The following PTDSS1 variants were observed in gnomAD, a reference collection of about 807,000 sequenced individuals.
The protein encoded by PTDSS1 is phosphatidylserine synthase 1, also known as PSS-1.
Under a neutral mutation model 70.5 loss-of-function variants are expected in PTDSS1, and 45 were observed. The ratio of observed to expected loss-of-function variants is 0.64; its 90% CI spans 0.50 to 0.82. PTDSS1 has a LOEUF of 0.82. PTDSS1 is among the 40% of genes least tolerant of loss of function. PTDSS1 has a pLI of 0.00. For missense variants in PTDSS1, 417 were observed against 586.1 expected, an observed-to-expected ratio of 0.71 and a Z score of 2.98; for synonymous variants, 188 against 203.8, an observed-to-expected ratio of 0.92 and a Z score of 0.66.
At chr8:96,268,679 C>T (rs1810520615) in intron 1 of PTDSS1, among the ~76,000 whole-genome samples, 2 of 149,778 alleles carry the variant, frequency 1.3e-5, no homozygotes, top group African/African-American at 2.5e-5. Context: ...CTGATACTTC[C>T]TGCTGTTAAG....
intron 12 of PTDSS1, 147 bp downstream of exon 12, chr8:96,331,242 C>G: frequency 1.3e-6 from 1 of 768,382 alleles, no homozygotes; most frequent in Non-Finnish European, 2.1e-6. Context: ...AAGAAACATG[C>G]AATGGCTGGG....
intron 4 of PTDSS1, among the ~76,000 whole-genome samples, chr8:96,293,014 G>T (rs1408806707): frequency 6.6e-6 from 1 of 152,176 alleles, no homozygotes; most frequent in Non-Finnish European, 1.5e-5. Flanking sequence ...GGCGTGTGTA[G>T]TAGTGGAGAT....
At chr8:96,284,044 C>T in intron 2 of PTDSS1, 65 bp from the exon 3 acceptor site, 1 of 1,310,948 alleles carries the variant, frequency 7.6e-7, no homozygotes, top group African/African-American at 1.5e-5. Flanking sequence ...AGATCAGCAG[C>T]ACCTTAAGTT....
In PTDSS1 at chr8:96,299,731, G is replaced by A; in HGVS notation, c.638G>A (p.Cys213Tyr). The A allele has an allele frequency of 1.2e-6, 2 of 1,613,998 alleles. No homozygotes were observed. The highest frequency in any genetic ancestry group is 1.7e-6 in the Non-Finnish European group (2 of 1,179,988). ...FMHLLPNFAE[C>Y]WWDQVILDIL... ...CATCTCCTCCCCAATTTTGCCGAGT[G>A]CTGGTGGGATCAAGTCATTCTGGAC... The change falls in exon 6 of 13, where the codon TGC becomes TAC. Residue 213 changes from cysteine (C) to tyrosine (Y), a missense_variant. Transcript: ENST00000517309.
intron 9 of PTDSS1, among the ~76,000 whole-genome samples, chr8:96,314,168 C>T (rs1811251772): frequency 6.6e-6 from 1 of 152,078 alleles, no homozygotes. Flanking sequence ...CATCAGCCTC[C>T]TAAGTAGCTG....
chr8:96,309,278 G>T, intron 8 of PTDSS1: 1 of 188,774 alleles, frequency 5.3e-6, no homozygotes, highest in Non-Finnish European at 1.0e-5. Context: ...ATCTGTAAAT[G>T]GTTGCGATCA....
intron 3 of PTDSS1, among the ~76,000 whole-genome samples, chr8:96,285,346 G>A (rs1563567395): frequency 6.6e-6 from 1 of 152,178 alleles, no homozygotes; most frequent in Non-Finnish European, 1.5e-5. Context: ...TGGGAGAAGA[G>A]TAGGAGAGAA....
intron 1 of PTDSS1, among the ~76,000 whole-genome samples, chr8:96,265,392 A>T (rs1309620607): frequency 1.3e-5 from 2 of 152,218 alleles, no homozygotes; most frequent in Non-Finnish European, 2.9e-5. Context: ...AGTCTGAGAC[A>T]AGTTTGGATT....
chr8:96,291,328 A>C (rs1810899817), intron 4 of PTDSS1, among the ~76,000 whole-genome samples: 1 of 152,190 alleles, frequency 6.6e-6, no homozygotes, highest in Non-Finnish European at 1.5e-5. Flanking sequence ...CTATAACTTC[A>C]TGTACCCATC....
In PTDSS1 at chr8:96,261,905, T is replaced by A. The variant is rs1050832132; in HGVS notation, c.-136T>A. On this transcript the variant is annotated 5_prime_UTR_variant, in exon 1 of 13. Coordinates refer to ENST00000517309, the MANE Select transcript of PTDSS1 (RefSeq NM_014754.3). Reference sequence around the variant, plus strand: ...CCGCCCTCTCGCGCCTGTCCTTCCCTCTGCTCCCAGCCTTTGCTGGGCGCC... The same window carrying A: ...CCGCCCTCTCGCGCCTGTCCTTCCCACTGCTCCCAGCCTTTGCTGGGCGCC... 6.2e-5 allele frequency: 59 copies of A among 954,706 alleles called. No individual in the cohort carries two copies. Among genetic ancestry groups the A allele is most frequent in the Non-Finnish European group, 7.8e-5 (52 of 663,588 alleles). 59.1% of individuals were successfully genotyped at this position (954,706 alleles called of 1,614,324 possible).
chr8:96,266,193 AC>A (rs1810485386), intron 1 of PTDSS1, among the ~76,000 whole-genome samples: 1 of 152,114 alleles, frequency 6.6e-6, no homozygotes. Context: ...CTTAAGAGGC[AC>A]CTGCCATTAA....
intron 2 of PTDSS1, among the ~76,000 whole-genome samples, chr8:96,275,509 T>G (rs1303155322): frequency 6.6e-6 from 1 of 152,150 alleles, no homozygotes; most frequent in African/African-American, 2.4e-5. Context: ...TTCCCTTCCC[T>G]CTCATTGAAT....
intron 2 of PTDSS1, 91 bp from the exon 3 acceptor site, chr8:96,284,018 C>A: frequency 1.9e-6 from 2 of 1,026,998 alleles, no homozygotes; most frequent in Non-Finnish European, 1.4e-6. Flanking sequence ...GCTTTTTCTT[C>A]TTGTTATCTG....
At position 96,334,966 on chromosome 8, in the gene PTDSS1, T is replaced by C. The variant is rs1586215791; in HGVS notation, c.*1400T>C. 1 of 152,236 alleles carries C rather than the reference T, an allele frequency of 6.6e-6. No individual in the cohort carries two copies. Among genetic ancestry groups the C allele is most frequent in the African/African-American group, 2.4e-5 (1 of 41,464 alleles). The allele number at this position is 152,236 out of a possible 1,614,324, so 9.4% of individuals were successfully genotyped here. ...TTAGCCATAGAAGTGTCACTTTTTT[T>C]TTTTCTGCAAAAGAATTCCAAGATG... On this transcript the variant is annotated 3_prime_UTR_variant, in exon 13 of 13. Transcript: ENST00000517309.
intron 12 of PTDSS1, among the ~76,000 whole-genome samples, chr8:96,332,539 C>T (rs1020803616): frequency 3.3e-5 from 5 of 152,168 alleles, no homozygotes; most frequent in African/African-American, 7.2e-5. Context: ...GTGAGCGGCC[C>T]GTTGTGAAAT....
intron 1 of PTDSS1, among the ~76,000 whole-genome samples, chr8:96,264,738 C>T (rs911822557): frequency 1.4e-4 from 21 of 152,150 alleles, no homozygotes; most frequent in East Asian, 1.9e-4. Context: ...TTTCCTTTTA[C>T]ATCATATTCT....
intron 10 of PTDSS1, among the ~76,000 whole-genome samples, chr8:96,322,738 C>G (rs1448598287): frequency 6.6e-6 from 1 of 152,132 alleles, no homozygotes; most frequent in Admixed American, 6.5e-5. Context: ...TTCACTTGGC[C>G]CAGCATCAAC....
At position 96,333,572 on chromosome 8, in the gene PTDSS1, C is replaced by A; in HGVS notation, c.*6C>A. 3 of 1,595,070 alleles carry A rather than the reference C, an allele frequency of 1.9e-6. No individual in the cohort carries two copies. The highest frequency in any genetic ancestry group is 2.6e-6 in the Non-Finnish European group (3 of 1,162,726). On this transcript the variant is annotated 3_prime_UTR_variant, in exon 13 of 13. Coordinates refer to ENST00000517309, the MANE Select transcript of PTDSS1 (RefSeq NM_014754.3). ...ATGGCGTTGGAAAGAAATGAAAAACCCTGGTTAATCAAAGATGTTCCAGAG... is the reference window on the plus strand; with the variant it reads ...ATGGCGTTGGAAAGAAATGAAAAACACTGGTTAATCAAAGATGTTCCAGAG...
At chr8:96,316,563 G>A (rs1460471293) in intron 9 of PTDSS1, among the ~76,000 whole-genome samples, 2 of 152,160 alleles carry the variant, frequency 1.3e-5, no homozygotes. Flanking sequence ...TACTAGGGAG[G>A]GAGGAAGCGG....
Sources: allele counts gnomAD v4.1 joint callset (sites outside exome capture counted in the v4.1 genomes callset), GRCh38; gene constraint gnomAD v4.1.1; transcripts MANE v1.5; gene names NCBI Gene and HGNC (gene_info 2026-07-23, HGNC 2026-07-21).